The following EVI5 variants were observed in gnomAD, a reference collection of about 807,000 sequenced individuals.
EVI5 encodes ecotropic viral integration site 5, also known as ecotropic viral integration site 5 protein homolog.
A neutral mutation model predicts 112.0 loss-of-function variants in EVI5; 73 were observed. The observed-to-expected ratio is 0.65, with a 90% confidence interval of 0.54 to 0.79. The LOEUF (loss-of-function observed/expected upper bound fraction) is 0.79. Among genes scored for constraint, EVI5 ranks in the 30% least tolerant of loss-of-function variants. The pLI is 0.00. For missense variants in EVI5, 900 were observed against 968.8 expected, an observed-to-expected ratio of 0.93 and a Z score of 0.94; for synonymous variants, 305 against 319.9, an observed-to-expected ratio of 0.95 and a Z score of 0.50.
chr1:92,605,997 G>C (rs992611646), intron 17 of EVI5, among the ~76,000 whole-genome samples: 3 of 152,122 alleles, frequency 2.0e-5, no homozygotes, highest in African/African-American at 7.2e-5. Flanking sequence ...GAATGTACTA[G>C]GTGCTAGGGT....
At chr1:92,751,420 A>G (rs1411002039) in intron 1 of EVI5, among the ~76,000 whole-genome samples, 1 of 152,156 alleles carries the variant, frequency 6.6e-6, no homozygotes, top group East Asian at 1.9e-4. Context: ...TCAATCTTAT[A>G]TTTTTGTACA....
intron 13 of EVI5, chr1:92,647,455 G>A: frequency 2.5e-6 from 1 of 399,630 alleles, no homozygotes; most frequent in East Asian, 4.6e-5. Context: ...ATCTGCCTTT[G>A]TCATTTCACC....
chr1:92,747,452 G>A (rs571022504), intron 1 of EVI5, among the ~76,000 whole-genome samples: 4 of 152,042 alleles, frequency 2.6e-5, no homozygotes, highest in Non-Finnish European at 5.9e-5. Flanking sequence ...GGTGGCTCAT[G>A]CCTGTAATCC....
At chr1:92,705,607 T>C (rs1015286302) in intron 2 of EVI5, among the ~76,000 whole-genome samples, 3 of 152,216 alleles carry the variant, frequency 2.0e-5, no homozygotes, top group Admixed American at 6.5e-5. Context: ...CTTGCAACCC[T>C]GTGTTAGGCC....
intron 5 of EVI5, among the ~76,000 whole-genome samples, chr1:92,701,720 T>C (rs1671179904): frequency 6.6e-6 from 1 of 151,942 alleles, no homozygotes; most frequent in Admixed American, 6.6e-5. Context: ...GAGGTATGCA[T>C]AACAAGCTTT....
At chr1:92,580,278 G>A (rs1671732709) in intron 18 of EVI5, among the ~76,000 whole-genome samples, 1 of 152,078 alleles carries the variant, frequency 6.6e-6, no homozygotes, top group African/African-American at 2.4e-5. Context: ...CAATAATGTT[G>A]TAATCTTTTG....
chr1:92,700,491 C>T (rs1430420221), intron 5 of EVI5, among the ~76,000 whole-genome samples: 1 of 152,164 alleles, frequency 6.6e-6, no homozygotes, highest in African/African-American at 2.4e-5. Flanking sequence ...TAATATACTG[C>T]TGCCACTGAC....
chr1:92,655,985 A>G (rs1414065515), intron 13 of EVI5, among the ~76,000 whole-genome samples: 1 of 152,184 alleles, frequency 6.6e-6, no homozygotes, highest in East Asian at 1.9e-4. Flanking sequence ...CAACACCCCA[A>G]TGACAGCATT....
At chr1:92,549,434 A>G (rs1396312617) in intron 19 of EVI5, among the ~76,000 whole-genome samples, 41 of 151,858 alleles carry the variant, frequency 2.7e-4, no homozygotes. Flanking sequence ...GGACATAGGC[A>G]TGGGCAAGGA....
intron 13 of EVI5, among the ~76,000 whole-genome samples, chr1:92,639,482 A>G (rs1659530124): frequency 6.6e-6 from 1 of 152,152 alleles, no homozygotes; most frequent in Admixed American, 6.5e-5. Flanking sequence ...TTCTCATATT[A>G]TTAAGTGAAA....
intron 1 of EVI5, among the ~76,000 whole-genome samples, chr1:92,742,565 C>T (rs928922945): frequency 2.0e-5 from 3 of 151,756 alleles, no homozygotes; most frequent in African/African-American, 7.3e-5. Context: ...CTCAGCTACT[C>T]AGGAGGCTGA....
At chr1:92,549,474 C>T (rs1310575866) in intron 19 of EVI5, among the ~76,000 whole-genome samples, 2 of 151,352 alleles carry the variant, frequency 1.3e-5, no homozygotes, top group African/African-American at 2.4e-5. Flanking sequence ...AAAGCAATGG[C>T]ATCAAAAGCC....
At chr1:92,612,789 T>C (rs1301257458) in intron 16 of EVI5, among the ~76,000 whole-genome samples, 3 of 140,436 alleles carry the variant, frequency 2.1e-5, no homozygotes, top group Non-Finnish European at 4.6e-5. Flanking sequence ...AGAGATGCAA[T>C]GGGATTTAAG....
In EVI5 at chr1:92,514,010, G is replaced by A. The variant is rs567138887; in HGVS notation, c.2167-40C>T. The A allele has an allele frequency of 3.2e-5, 39 of 1,228,560 alleles. 2 individuals carry two copies. In the South Asian group the frequency reaches 6.0e-4, roughly 19 times the overall value. The allele number at this position is 1,228,560 out of a possible 1,614,324, so 76.1% of individuals were successfully genotyped here. On this transcript the variant is annotated intron_variant, in intron 19 of 19. Coordinates refer to ENST00000684568, the MANE Select transcript of EVI5 (RefSeq NM_001350197.2). ...TCCAAGTTAATACAGTCAAATGGGGGAAACACACACACGCCAAAAAGCAAA... is the reference window on the plus strand; with the variant it reads ...TCCAAGTTAATACAGTCAAATGGGGAAAACACACACACGCCAAAAAGCAAA...
chr1:92,760,732 C>CA (rs77787837), intron 1 of EVI5, among the ~76,000 whole-genome samples: 902 of 50,514 alleles, frequency 0.018, 9 homozygotes, highest in African/African-American at 0.044. Context: ...GACTCTGTCT[C>CA]AAAAAAAAAA....
At chr1:92,576,196 A>G (rs1051402595) in intron 18 of EVI5, among the ~76,000 whole-genome samples, 3 of 152,082 alleles carry the variant, frequency 2.0e-5, no homozygotes, top group African/African-American at 7.3e-5. Context: ...CCTTAGAGTC[A>G]TATGTATGAT....
At chr1:92,573,958 G>C (rs537872401) in intron 18 of EVI5, among the ~76,000 whole-genome samples, 2 of 152,136 alleles carry the variant, frequency 1.3e-5, no homozygotes, top group East Asian at 3.9e-4. Flanking sequence ...CAAAAGTGTT[G>C]TATCTGTAAA....
intron 19 of EVI5, among the ~76,000 whole-genome samples, chr1:92,527,720 T>C (rs1662168192): frequency 6.6e-6 from 1 of 152,216 alleles, no homozygotes; most frequent in East Asian, 1.9e-4. Flanking sequence ...GTATTTAATA[T>C]AAAGGATTAT....
chr1:92,569,205 T>C (rs1157627546), intron 18 of EVI5, among the ~76,000 whole-genome samples: 2 of 152,176 alleles, frequency 1.3e-5, no homozygotes, highest in Admixed American at 6.5e-5. Flanking sequence ...GAAACGTAAA[T>C]GAAAGATTGA....
Sources: allele counts gnomAD v4.1 joint callset (sites outside exome capture counted in the v4.1 genomes callset), GRCh38; gene constraint gnomAD v4.1.1; transcripts MANE v1.5; gene names NCBI Gene and HGNC (gene_info 2026-07-23, HGNC 2026-07-21).